Variants in NDUFAF2 observed in about 807,000 individuals in gnomAD.
The protein encoded by NDUFAF2 is NADH dehydrogenase [ubiquinone] 1 alpha subcomplex assembly factor 2.
In NDUFAF2, 13 loss-of-function variants were observed where a neutral mutation model predicts 22.8. The observed-to-expected ratio is 0.57, with a 90% CI of 0.37 to 0.91. NDUFAF2 has a LOEUF of 0.91. Among genes scored for constraint, NDUFAF2 ranks in the 40% least tolerant of loss-of-function variants. The probability of loss-of-function intolerance (pLI) is 0.01; values close to 1 mark genes in which losing one functional copy is unlikely to be tolerated. For synonymous variants in NDUFAF2, 53 were observed against 64.2 expected, an observed-to-expected ratio of 0.83 and a Z score of 0.84; for missense variants, 162 against 195.2, an observed-to-expected ratio of 0.83 and a Z score of 1.01.
intron 2 of NDUFAF2, among the ~76,000 whole-genome samples, chr5:61,092,370 G>T (rs761263587): frequency 6.6e-6 from 1 of 152,134 alleles, no homozygotes; most frequent in South Asian, 2.1e-4. Flanking sequence ...TTTTCCATTT[G>T]TTTGTGTCAT....
intron 1 of NDUFAF2, among the ~76,000 whole-genome samples, chr5:60,962,864 A>T (rs1472706956): frequency 1.3e-5 from 2 of 151,798 alleles, no homozygotes; most frequent in Admixed American, 6.6e-5. Flanking sequence ...TGACTTATAA[A>T]CAAAGAGATT....
At chr5:60,996,975 C>CAA (rs1751236245) in intron 1 of NDUFAF2, among the ~76,000 whole-genome samples, 1 of 152,134 alleles carries the variant, frequency 6.6e-6, no homozygotes, top group Non-Finnish European at 1.5e-5. Context: ...GTATCCTTTT[C>CAA]ATGTGTGTAG....
intron 1 of NDUFAF2, among the ~76,000 whole-genome samples, chr5:61,024,162 A>C (rs1036783936): frequency 6.6e-6 from 1 of 152,056 alleles, no homozygotes; most frequent in Non-Finnish European, 1.5e-5. Flanking sequence ...TGTTTTTTTT[A>C]ACATTGATGT....
intron 1 of NDUFAF2, among the ~76,000 whole-genome samples, chr5:61,026,034 A>T (rs1751645125): frequency 6.6e-6 from 1 of 152,112 alleles, no homozygotes; most frequent in Non-Finnish European, 1.5e-5. Context: ...TGGGAAATAT[A>T]TCTGAGATAG....
chr5:60,961,671 C>A (rs1439745683), intron 1 of NDUFAF2, among the ~76,000 whole-genome samples: 1 of 145,128 alleles, frequency 6.9e-6, no homozygotes, highest in East Asian at 2.0e-4. Flanking sequence ...GAGGCTGAGA[C>A]AGGAGAATCG....
intron 3 of NDUFAF2, among the ~76,000 whole-genome samples, chr5:61,116,953 A>T (rs1015215758): frequency 2.6e-5 from 4 of 152,156 alleles, no homozygotes; most frequent in African/African-American, 9.7e-5. Context: ...AAATTCATTT[A>T]TTTGCGGAAA....
chr5:61,038,859 TC>T (rs1054775519), intron 1 of NDUFAF2, among the ~76,000 whole-genome samples: 1 of 152,008 alleles, frequency 6.6e-6, no homozygotes, highest in African/African-American at 2.4e-5. Context: ...CTTTTTTTTT[TC>T]ATTTCATTTT....
chr5:61,093,851 T>C (rs1187932968), intron 2 of NDUFAF2, among the ~76,000 whole-genome samples: 1 of 152,152 alleles, frequency 6.6e-6, no homozygotes, highest in Non-Finnish European at 1.5e-5. Flanking sequence ...CAGCTCTTCT[T>C]TGTACATCTA....
intron 1 of NDUFAF2, among the ~76,000 whole-genome samples, chr5:60,948,640 CT>C (rs1750498518): frequency 6.8e-6 from 1 of 147,406 alleles, no homozygotes; most frequent in African/African-American, 2.5e-5. Flanking sequence ...TAGTTTATTT[CT>C]TTTTAATGCT....
chr5:60,945,211 A>G lies in NDUFAF2; in HGVS notation c.-45A>G, dbSNP rs774844813. The G allele has an allele frequency of 3.7e-6, 6 of 1,605,416 alleles. No homozygotes were observed. Among genetic ancestry groups the G allele is most frequent in the Middle Eastern group, 2.1e-4 (1 of 4,706 alleles). ...GGTCGGCGGCTGGAGCATTACCCCT[A>G]CTGCGGGTCCCGCTGCTGGCAGCGC... On this transcript the variant is annotated 5_prime_UTR_variant, in exon 1 of 4. Transcript: ENST00000296597.
At chr5:61,049,035 A>G (rs927218890) in intron 1 of NDUFAF2, among the ~76,000 whole-genome samples, 1 of 152,106 alleles carries the variant, frequency 6.6e-6, no homozygotes, top group Non-Finnish European at 1.5e-5. Context: ...ATGTATAATA[A>G]TGTCCAAAAT....
At chr5:60,996,252 G>A (rs1384597466) in intron 1 of NDUFAF2, among the ~76,000 whole-genome samples, 1 of 152,118 alleles carries the variant, frequency 6.6e-6, no homozygotes, top group Non-Finnish European at 1.5e-5. Flanking sequence ...TCTTCAATTA[G>A]CAGATTATGA....
chr5:61,050,339 A>G (rs771972673), intron 1 of NDUFAF2: 3 of 152,130 alleles, frequency 2.0e-5, no homozygotes, highest in Non-Finnish European at 4.4e-5. Context: ...AGAGAAAATT[A>G]TGATGGAAAT....
intron 1 of NDUFAF2, among the ~76,000 whole-genome samples, chr5:61,037,503 T>G (rs1347694511): frequency 6.6e-6 from 1 of 152,152 alleles, no homozygotes; most frequent in Non-Finnish European, 1.5e-5. Context: ...GTCCTAATGT[T>G]CTGGGAGAGG....
chr5:61,066,190 G>A (rs1197374234), intron 1 of NDUFAF2, among the ~76,000 whole-genome samples: 1 of 151,868 alleles, frequency 6.6e-6, no homozygotes, highest in African/African-American at 2.4e-5. Context: ...ATAAAACATT[G>A]ATGAGAGAAA....
At chr5:61,090,234 C>A (rs1752550043) in intron 2 of NDUFAF2, among the ~76,000 whole-genome samples, 1 of 151,992 alleles carries the variant, frequency 6.6e-6, no homozygotes, top group Non-Finnish European at 1.5e-5. Flanking sequence ...CAAACTTTTT[C>A]TTTAAAGGTC....
chr5:61,078,282 T>C lies in NDUFAF2; in HGVS notation c.217+5068T>C, dbSNP rs930895835. 2.0e-5 allele frequency among the ~76,000 whole-genome samples: 3 copies of C among 152,202 alleles called. No homozygotes were observed. In the East Asian group the frequency reaches 5.8e-4, roughly 29 times the overall value. ...GCCTAGCTCAATAGTTAAGTAAATA[T>C]AAGCTCAGTCAACATTTGTTGAATG... On this transcript the variant is annotated intron_variant, in intron 2 of 3. Transcript: ENST00000296597.
intron 1 of NDUFAF2, among the ~76,000 whole-genome samples, chr5:60,974,679 G>A (rs1181170621): frequency 1.3e-5 from 2 of 152,018 alleles, no homozygotes; most frequent in African/African-American, 2.4e-5. Context: ...TCAATCTTAA[G>A]CCTGCTGCTA....
chr5:60,970,167 A>G (rs997240248), intron 1 of NDUFAF2, among the ~76,000 whole-genome samples: 2 of 152,118 alleles, frequency 1.3e-5, no homozygotes, highest in African/African-American at 4.8e-5. Context: ...TGATTCCTCC[A>G]GTTTTGTTCA....
Sources: gnomAD v4.1 joint callset for allele counts (sites outside exome capture counted in the v4.1 genomes callset) on GRCh38, gnomAD v4.1.1 for gene constraint, MANE v1.5 for transcripts, NCBI Gene and HGNC (gene_info 2026-07-23, HGNC 2026-07-21) for gene names.